The following ERI1 variants were observed in gnomAD, a reference collection of about 807,000 sequenced individuals.
ERI1 encodes exoribonuclease 1.
ERI1 carries 39 observed loss-of-function variants against 39.7 expected under a neutral mutation model. The observed-to-expected ratio is 0.98, with a 90% CI of 0.76 to 1.28. ERI1 has a LOEUF of 1.28. Among genes scored for constraint, ERI1 ranks in the 50% most tolerant of loss-of-function variants. The pLI is 0.00. For synonymous variants in ERI1, 204 were observed against 149.6 expected, an observed-to-expected ratio of 1.36 and a Z score of -2.65; for missense variants, 581 against 416.9, an observed-to-expected ratio of 1.39 and a Z score of -3.43.
chr8:9,037,615 T>G (rs1159116994), downstream of ERI1, among the ~76,000 whole-genome samples: 2 of 152,098 alleles, frequency 1.3e-5, no homozygotes, highest in Non-Finnish European at 2.9e-5. Context: ...TTAGTGATGG[T>G]AAAATGTATC....
At chr8:9,021,976 C>T (rs894604804) in intron 6 of ERI1, among the ~76,000 whole-genome samples, 4 of 151,602 alleles carry the variant, frequency 2.6e-5, no homozygotes, top group African/African-American at 9.7e-5. Context: ...TGCATGTCCC[C>T]TGGTGTCTGT....
At chr8:9,022,535 G>GA (rs1223039355) in intron 6 of ERI1, among the ~76,000 whole-genome samples, 6 of 152,112 alleles carry the variant, frequency 3.9e-5, no homozygotes, top group Non-Finnish European at 8.8e-5. Context: ...GAGTAGCTGG[G>GA]ACTACGGGCG....
intron 3 of ERI1, among the ~76,000 whole-genome samples, chr8:9,092,558 A>C (rs1799741727): frequency 6.6e-6 from 1 of 152,224 alleles, no homozygotes; most frequent in South Asian, 2.1e-4. Context: ...ACGGGGAATC[A>C]AATGAGCAAT....
intron 2 of ERI1, among the ~76,000 whole-genome samples, chr8:9,010,826 A>G (rs1585191594): frequency 6.6e-6 from 1 of 152,110 alleles, no homozygotes; most frequent in Admixed American, 6.5e-5. Context: ...CCACTACTCC[A>G]TTTGTGGAAT....
At chr8:9,011,863 A>G (rs1816707969) in intron 3 of ERI1, 111 bp downstream of exon 3, 1 of 765,144 alleles carries the variant, frequency 1.3e-6, no homozygotes, top group Non-Finnish European at 2.0e-6. Flanking sequence ...CTTCTAAAGT[A>G]AGTTTTTTCT....
intron 6 of ERI1, among the ~76,000 whole-genome samples, chr8:9,023,939 C>G (rs1350985844): frequency 5.9e-5 from 9 of 151,728 alleles, no homozygotes; most frequent in African/African-American, 1.9e-4. Context: ...GCTGGGATTA[C>G]AGGCATGTGC....
Position 9,072,785 on chromosome 8 carries a change from C to T in ERI1, n.300-43563C>T, listed in dbSNP as rs568549088. Among the ~76,000 whole-genome samples, 23 of 152,272 alleles carry T rather than the reference C, an allele frequency of 1.5e-4. No individual in the cohort carries two copies. In the South Asian group the frequency reaches 4.6e-3, roughly 30 times the overall value. Reference sequence around the variant, plus strand: ...ACAGAGTGACCCCCCACCCCACTCCCGACAGAAGCAGCCCCAGAGAGAGAA... The same window carrying T: ...ACAGAGTGACCCCCCACCCCACTCCTGACAGAAGCAGCCCCAGAGAGAGAA... On this transcript the variant is annotated intron_variant and non_coding_transcript_variant, in intron 3 of 3. Coordinates refer to the ERI1 transcript ENST00000518663.
rs184691074 is a variant in ERI1, at chr8:9,026,468, T to C, written c.808-3324T>C. ...GACTTATCTATATACCTCTTATAAG[T>C]GGAGGCGTACAGTATTTGATCTTTT... On this transcript the variant is annotated intron_variant, in intron 6 of 6. Transcript: ENST00000250263. 3.7e-4 allele frequency among the ~76,000 whole-genome samples: 57 copies of C among 152,304 alleles called. 1 individual carries two copies. The highest frequency in any genetic ancestry group is 3.3e-3 in the Admixed American group (50 of 15,292).
chr8:9,063,471 G>C (rs1378013140), intron 3 of ERI1, among the ~76,000 whole-genome samples: 2 of 152,154 alleles, frequency 1.3e-5, no homozygotes, highest in Non-Finnish European at 2.9e-5. Flanking sequence ...AAGGATTATA[G>C]GGTGGAGGAG....
chr8:9,059,518 T>G (rs1263865570), intron 3 of ERI1, among the ~76,000 whole-genome samples: 1 of 151,878 alleles, frequency 6.6e-6, no homozygotes, highest in East Asian at 1.9e-4. Flanking sequence ...TATTGTGGGG[T>G]TGTTAGAAGA....
chr8:9,063,023 C>G (rs1205769456), intron 3 of ERI1, among the ~76,000 whole-genome samples: 1 of 152,024 alleles, frequency 6.6e-6, no homozygotes, highest in African/African-American at 2.4e-5. Flanking sequence ...AATTGCAACT[C>G]AGAAATATGT....
chr8:9,089,999 C>T (rs541431773), intron 3 of ERI1, among the ~76,000 whole-genome samples: 17 of 152,276 alleles, frequency 1.1e-4, no homozygotes, highest in East Asian at 9.6e-4. Flanking sequence ...GCAAGGATGA[C>T]GGCTGAGATG....
chr8:9,097,466 C>G (rs149153748), intron 3 of ERI1, among the ~76,000 whole-genome samples: 2,269 of 152,020 alleles, frequency 0.015, 55 homozygotes, highest in African/African-American at 0.047. Context: ...AGGCTGAGTT[C>G]GAGACCAGCC....
At chr8:9,011,903 A>C (rs1403173329) in intron 3 of ERI1, 151 bp downstream of exon 3, 1 of 539,678 alleles carries the variant, frequency 1.9e-6, no homozygotes, top group African/African-American at 1.9e-5. Context: ...AGCTTGATTA[A>C]TAGAAAAGCT....
At chr8:9,013,591 C>T (rs1377268395) in intron 3 of ERI1, among the ~76,000 whole-genome samples, 1 of 152,054 alleles carries the variant, frequency 6.6e-6, no homozygotes, top group Admixed American at 6.6e-5. Context: ...AGTTCCATAG[C>T]TTTCAGAAGC....
At chr8:9,052,865 A>T (rs535609711) in intron 3 of ERI1, among the ~76,000 whole-genome samples, 1 of 152,276 alleles carries the variant, frequency 6.6e-6, no homozygotes, top group African/African-American at 2.4e-5. Flanking sequence ...GCCCTTAAAT[A>T]GTTTCAGGAG....
downstream of ERI1, among the ~76,000 whole-genome samples, chr8:9,036,671 G>C (rs965666600): frequency 1.3e-5 from 2 of 152,058 alleles, no homozygotes; most frequent in Admixed American, 1.3e-4. Flanking sequence ...ATGATCAAGA[G>C]CAAGTTTAGA....
In ERI1 at chr8:9,039,406, A is replaced by T. The variant is rs555575170; in HGVS notation, n.299+18942A>T. ...AATCAAATCAGACTGACTTTGTCAG[A>T]AAAAGGTCTGGCTTGAAAATTCAGG... On this transcript the variant is annotated intron_variant and non_coding_transcript_variant, in intron 3 of 3. Transcript: ENST00000518663. Among the ~76,000 whole-genome samples the T allele has an allele frequency of 6.6e-5, 10 of 152,322 alleles. 1 individual carries two copies. The South Asian group carries it at 1.9e-3, about 28-fold the overall frequency.
chr8:9,024,356 A>C (rs528342280), intron 6 of ERI1, among the ~76,000 whole-genome samples: 1 of 152,324 alleles, frequency 6.6e-6, no homozygotes, highest in East Asian at 1.9e-4. Flanking sequence ...ATGTGGAGTT[A>C]GCATTTACAA....
Sources: gnomAD v4.1 joint callset for allele counts (sites outside exome capture counted in the v4.1 genomes callset) on GRCh38, gnomAD v4.1.1 for gene constraint, MANE v1.5 for transcripts, NCBI Gene and HGNC (gene_info 2026-07-23, HGNC 2026-07-21) for gene names.